C8orf34: variants seen among roughly 807,000 people sequenced by gnomAD.
The protein encoded by C8orf34 is chromosome 8 open reading frame 34.
A neutral mutation model predicts 68.3 loss-of-function variants in C8orf34; 65 were observed. The observed-to-expected ratio is 0.95, with a 90% CI of 0.78 to 1.17. The LOEUF is 1.17. Ranked by LOEUF, C8orf34 falls within the 50% of genes most tolerant of loss-of-function variation. The probability of loss-of-function intolerance (pLI) is 0.00; values close to 1 mark genes in which losing one functional copy is unlikely to be tolerated. For missense variants in C8orf34, 664 were observed against 655.4 expected (o/e 1.01, Z -0.14); for synonymous variants, 244 against 241.2 (o/e 1.01, Z -0.11).
intron 10 of C8orf34, among the ~76,000 whole-genome samples, chr8:68,751,922 G>A (rs932954092): frequency 1.1e-4 from 16 of 151,614 alleles, no homozygotes; most frequent in African/African-American, 3.4e-4. Context: ...TCTTGTATAA[G>A]TTCATCTATA....
chr8:68,472,525 C>G (rs1001153097), intron 4 of C8orf34, among the ~76,000 whole-genome samples: 1 of 152,022 alleles, frequency 6.6e-6, no homozygotes, highest in Non-Finnish European at 1.5e-5. Context: ...CACTCACACT[C>G]AAAGAGGAAA....
At chr8:68,364,732 A>G (rs1312779087) in intron 1 of C8orf34, among the ~76,000 whole-genome samples, 1 of 135,052 alleles carries the variant, frequency 7.4e-6, no homozygotes, top group African/African-American at 2.9e-5. Flanking sequence ...AATCTCTGGG[A>G]TGCATTCAAA....
intron 8 of C8orf34, among the ~76,000 whole-genome samples, chr8:68,694,790 A>AAATAT (rs1270850727): frequency 6.6e-6 from 1 of 152,048 alleles, no homozygotes; most frequent in African/African-American, 2.4e-5. Context: ...TGGAATTTCC[A>AAATAT]TTACTTTTAA....
intron 10 of C8orf34, among the ~76,000 whole-genome samples, chr8:68,722,671 T>A (rs893347962): frequency 6.6e-6 from 1 of 152,044 alleles, no homozygotes; most frequent in African/African-American, 2.4e-5. Flanking sequence ...TGTTTTACTG[T>A]CCATTTCTTT....
chr8:68,376,053 G>A (rs1304570340), intron 1 of C8orf34, among the ~76,000 whole-genome samples: 2 of 152,082 alleles, frequency 1.3e-5, no homozygotes, highest in African/African-American at 4.8e-5. Context: ...ATGATGCTGA[G>A]GGAGGTAAGG....
At chr8:68,353,401 C>G (rs1216610199) in intron 1 of C8orf34, among the ~76,000 whole-genome samples, 1 of 151,564 alleles carries the variant, frequency 6.6e-6, no homozygotes, top group East Asian at 1.9e-4. Context: ...TAATATTTTC[C>G]AGTAGTTTTA....
intron 9 of C8orf34, among the ~76,000 whole-genome samples, chr8:68,719,938 A>C (rs1361506555): frequency 6.6e-6 from 1 of 151,992 alleles, no homozygotes; most frequent in Non-Finnish European, 1.5e-5. Flanking sequence ...AATATAATTC[A>C]GTTTTGGAGG....
intron 10 of C8orf34, among the ~76,000 whole-genome samples, chr8:68,748,851 T>G (rs1822600511): frequency 6.6e-6 from 1 of 152,128 alleles, no homozygotes; most frequent in Non-Finnish European, 1.5e-5. Context: ...GATCTAGAAC[T>G]AGAAATACCA....
In C8orf34 at chr8:68,791,943, G is replaced by A. The variant is rs1824005971; in HGVS notation, c.1549+4407G>A. 3 of 152,328 alleles carry A rather than the reference G, an allele frequency of 2.0e-5. No homozygotes were observed. The South Asian group carries it at 6.2e-4, about 32-fold the overall frequency. The allele number at this position is 152,328 out of a possible 1,614,324, so 9.4% of individuals were successfully genotyped here. A position where few individuals can be genotyped will look rare whatever the true frequency, so the allele number is the denominator to read the frequency against. Reference sequence around the variant, plus strand: ...CGAAAAATGTAAAGATACACATAGGGAATCAAACTCTCAGCTCTGTACTTT... The same window carrying A: ...CGAAAAATGTAAAGATACACATAGGAAATCAAACTCTCAGCTCTGTACTTT... On this transcript the variant is annotated intron_variant, in intron 12 of 13. Coordinates refer to ENST00000518698, the MANE Select transcript of C8orf34 (RefSeq NM_052958.4).
chr8:68,441,457 T>C (rs1299253410), intron 2 of C8orf34, among the ~76,000 whole-genome samples: 1 of 152,074 alleles, frequency 6.6e-6, no homozygotes, highest in Non-Finnish European at 1.5e-5. Context: ...CTTCTTATTC[T>C]CCTCCTCCTC....
At chr8:68,782,873 G>T (rs949790683) in intron 11 of C8orf34, among the ~76,000 whole-genome samples, 1 of 151,518 alleles carries the variant, frequency 6.6e-6, no homozygotes, top group Non-Finnish European at 1.5e-5. Context: ...TCTGGGCAAC[G>T]GAGAGAGACC....
intron 10 of C8orf34, among the ~76,000 whole-genome samples, chr8:68,732,727 TG>T (rs1271710905): frequency 8.5e-5 from 13 of 152,342 alleles, no homozygotes; most frequent in African/African-American, 2.4e-4. Context: ...CAATCAATTT[TG>T]AGTTTATTTT....
chr8:68,727,826 C>A (rs1371741859), intron 10 of C8orf34, among the ~76,000 whole-genome samples: 1 of 152,190 alleles, frequency 6.6e-6, no homozygotes, highest in East Asian at 1.9e-4. Flanking sequence ...AAGCTGCACA[C>A]AGCATAGGGA....
In C8orf34 at chr8:68,685,610, C is replaced by A. The variant is rs188807973; in HGVS notation, c.1242-23384C>A. 2.5e-4 allele frequency among the ~76,000 whole-genome samples: 38 copies of A among 152,150 alleles called. No individual in the cohort carries two copies. The East Asian group carries it at 7.4e-3, about 30-fold the overall frequency. On this transcript the variant is annotated intron_variant, in intron 8 of 13. Transcript: ENST00000518698. ...GTGGCTCATGCCTGTAATTTCAGCA[C>A]TTTGGGAGGCCAAGGCAGGTGGATT...
intron 1 of C8orf34, among the ~76,000 whole-genome samples, chr8:68,425,804 A>T (rs554909942): frequency 6.6e-6 from 1 of 152,132 alleles, no homozygotes; most frequent in African/African-American, 2.4e-5. Flanking sequence ...AGAAATCAAG[A>T]CATAGTGGTG....
At chr8:68,507,093 A>G (rs1257776004) in intron 5 of C8orf34, among the ~76,000 whole-genome samples, 1 of 152,200 alleles carries the variant, frequency 6.6e-6, no homozygotes, top group Non-Finnish European at 1.5e-5. Flanking sequence ...ACCTATGAAT[A>G]TGCCATAATT....
At chr8:68,570,781 A>G (rs1425906410) in intron 7 of C8orf34, among the ~76,000 whole-genome samples, 1 of 152,200 alleles carries the variant, frequency 6.6e-6, no homozygotes. Flanking sequence ...TGTAATCTAA[A>G]TTTTAACAAG....
intron 4 of C8orf34, among the ~76,000 whole-genome samples, chr8:68,471,574 C>A (rs184266097): frequency 2.4e-4 from 36 of 152,150 alleles, no homozygotes; most frequent in Admixed American, 2.2e-3. Context: ...CTTGTTAACT[C>A]TTTTTCTATG....
Position 68,331,463 on chromosome 8 carries a change from A to G in C8orf34, c.327+124A>G, listed in dbSNP as rs866427465. 17 of 1,107,944 alleles carry G rather than the reference A, an allele frequency of 1.5e-5. No homozygotes were observed. In the African/African-American group the frequency reaches 2.6e-4, roughly 17 times the overall value. The allele number at this position is 1,107,944 out of a possible 1,614,324, so 68.6% of individuals were successfully genotyped here. ...GGGCTAGAGAACCAACGCGCGGGAG[A>G]GGGCGCCCTGGGATTCACTGGCATT... On this transcript the variant is annotated intron_variant, in intron 1 of 13. Coordinates refer to ENST00000518698, the MANE Select transcript of C8orf34 (RefSeq NM_052958.4).
Sources: allele counts gnomAD v4.1 joint callset (sites outside exome capture counted in the v4.1 genomes callset), GRCh38; gene constraint gnomAD v4.1.1; transcripts MANE v1.5; gene names NCBI Gene and HGNC (gene_info 2026-07-23, HGNC 2026-07-21).